Variants in TET3 observed in about 807,000 individuals in gnomAD.
The protein encoded by TET3 is methylcytosine dioxygenase TET3.
In TET3, 19 loss-of-function variants were observed where a neutral mutation model predicts 141.4. The ratio of observed to expected loss-of-function variants is 0.13; its 90% confidence interval spans 0.09 to 0.20. TET3 has a LOEUF of 0.20. Ranked by LOEUF, TET3 falls within the 10% of genes least tolerant of loss-of-function variation. The pLI is 1.00. For missense variants in TET3, 1,874 were observed against 2,356.9 expected, an observed-to-expected ratio of 0.80 and a Z score of 4.24; for synonymous variants, 1,043 against 980.9, an observed-to-expected ratio of 1.06 and a Z score of -1.18.
At chr2:74,031,035 G>C (rs1197224615) in intron 3 of TET3, among the ~76,000 whole-genome samples, 2 of 152,144 alleles carry the variant, frequency 1.3e-5, no homozygotes, top group Admixed American at 1.3e-4. Context: ...AGTTGTAAAT[G>C]TGATGGGCTT....
At chr2:73,991,306 G>A (rs936132305) in intron 2 of TET3, among the ~76,000 whole-genome samples, 3 of 151,850 alleles carry the variant, frequency 2.0e-5, no homozygotes, top group African/African-American at 4.8e-5. Flanking sequence ...AACTCTGGCC[G>A]GGCACGGTGG....
intron 4 of TET3, among the ~76,000 whole-genome samples, chr2:74,061,946 C>T (rs1213718678): frequency 1.3e-5 from 2 of 149,684 alleles, no homozygotes; most frequent in Non-Finnish European, 3.0e-5. Context: ...ACTGGGCAGC[C>T]AGGCAGAGGG....
chr2:74,127,583 T>C, the TET3 span, among the ~76,000 whole-genome samples: 1 of 152,168 alleles, frequency 6.6e-6, no homozygotes, highest in Non-Finnish European at 1.5e-5. Flanking sequence ...ATGAACTCAT[T>C]TCCAGACTAA....
At chr2:74,025,195 G>T (rs1329638285) in intron 3 of TET3, among the ~76,000 whole-genome samples, 16 of 141,524 alleles carry the variant, frequency 1.1e-4, no homozygotes, top group Non-Finnish European at 2.3e-4. Context: ...CTGCACTCCA[G>T]CCTGGGTGAC....
chr2:74,048,527 G>A, intron 4 of TET3, 116 bp downstream of exon 4: 1 of 1,143,890 alleles, frequency 8.7e-7, no homozygotes, highest in East Asian at 2.6e-5. Context: ...CTGCCACACT[G>A]GGTTCTGGGA....
In TET3 at chr2:74,084,366, G is replaced by A. The variant is rs139169439; in HGVS notation, c.2680-3464G>A. ...AAGTAGGCTGGGCGCAGTGGCTCACGCCTGTAATCCCAGCACTTAGGGAGA... is the reference window on the plus strand; with the variant it reads ...AAGTAGGCTGGGCGCAGTGGCTCACACCTGTAATCCCAGCACTTAGGGAGA... On this transcript the variant is annotated intron_variant, in intron 6 of 11. Transcript: ENST00000409262. Among the ~76,000 whole-genome samples, 219 of 152,224 alleles carry A rather than the reference G, an allele frequency of 1.4e-3. 1 individual carries two copies. Among genetic ancestry groups the A allele is most frequent in the African/African-American group, 5.0e-3 (206 of 41,534 alleles).
chr2:74,120,369 C>A, the TET3 span, among the ~76,000 whole-genome samples: 5 of 152,266 alleles, frequency 3.3e-5, no homozygotes, highest in Non-Finnish European at 5.9e-5. Context: ...GGAGAGATGG[C>A]GGGCGACGTC....
At chr2:74,056,878 G>A (rs1196206924) in intron 4 of TET3, among the ~76,000 whole-genome samples, 1 of 152,184 alleles carries the variant, frequency 6.6e-6, no homozygotes, top group Non-Finnish European at 1.5e-5. Flanking sequence ...ATGACACACT[G>A]AGTACACAAC....
At position 74,047,640 on chromosome 2, in the gene TET3, C is replaced by T; in HGVS notation, c.1723C>T (p.Pro575Ser). The change falls in exon 4 of 12, where the codon CCC (proline) becomes TCC (serine). Residue 575 changes from proline to serine, a missense_variant. Pro to Ser is a moderately conservative substitution (Grantham distance 74). This residue lies in a region of TET3 where 484 missense variants were observed against 462.2 expected (regional missense o/e 1.05). Coordinates refer to ENST00000409262, the MANE Select transcript of TET3 (RefSeq NM_001287491.2). ...TGTCCCACGGCTTCCAGACAGACCA[C>T]CCAAGGAGAAGAAGAAGAAGCTCCC... is the stretch of plus-strand genomic sequence containing the variant. ...SPVPRLPDRP[P>S]KEKKKKLPTP... 6.2e-7 allele frequency: 1 copy of T among 1,613,618 alleles called. No homozygotes were observed. Among genetic ancestry groups the T allele is most frequent in the Non-Finnish European group, 8.5e-7 (1 of 1,179,716 alleles).
At chr2:74,063,893 C>CA (rs70965781) in intron 4 of TET3, among the ~76,000 whole-genome samples, 3,132 of 106,246 alleles carry the variant, frequency 0.029, 134 homozygotes, top group Admixed American at 0.13. Flanking sequence ...TCTCTGCAGA[C>CA]AAAAAAAAAA....
intron 2 of TET3, among the ~76,000 whole-genome samples, chr2:73,988,604 G>T (rs188634858): frequency 6.6e-6 from 1 of 152,316 alleles, no homozygotes; most frequent in Admixed American, 6.5e-5. Flanking sequence ...AGACACCCCT[G>T]CTGAGAGATG....
At chr2:74,023,223 T>C (rs1055792160) in intron 3 of TET3, among the ~76,000 whole-genome samples, 2 of 152,094 alleles carry the variant, frequency 1.3e-5, no homozygotes, top group Admixed American at 6.6e-5. Context: ...TTTTCAGATA[T>C]GTAGTTTGAT....
At chr2:74,041,033 C>T (rs1687310113) in intron 3 of TET3, among the ~76,000 whole-genome samples, 1 of 152,162 alleles carries the variant, frequency 6.6e-6, no homozygotes, top group Admixed American at 6.5e-5. Flanking sequence ...CCCCATCCTC[C>T]TCTGGCATTG....
At chr2:74,127,212 C>T in the TET3 span, among the ~76,000 whole-genome samples, 1 of 152,176 alleles carries the variant, frequency 6.6e-6, no homozygotes, top group Non-Finnish European at 1.5e-5. Context: ...TCCGGATGAC[C>T]TCTGTTTCAA....
chr2:74,133,430 GC>G, the TET3 span, among the ~76,000 whole-genome samples: 1 of 152,246 alleles, frequency 6.6e-6, no homozygotes, highest in Non-Finnish European at 1.5e-5. Context: ...CAGTCAGGAT[GC>G]CAGCTGGGGC....
the TET3 span, among the ~76,000 whole-genome samples, chr2:74,124,965 A>G: frequency 6.8e-6 from 1 of 147,510 alleles, no homozygotes; most frequent in African/African-American, 2.5e-5. Context: ...ACTAAAAAAA[A>G]AAAAAAGGTG....
intron 3 of TET3, among the ~76,000 whole-genome samples, chr2:74,013,885 C>T (rs962177732): frequency 1.3e-5 from 2 of 152,190 alleles, no homozygotes; most frequent in African/African-American, 4.8e-5. Flanking sequence ...CTCCCCTCTA[C>T]TCCCCATAAC....
At chr2:74,032,447 G>GTC (rs148094084) in intron 3 of TET3, among the ~76,000 whole-genome samples, 15 of 65,542 alleles carry the variant, frequency 2.3e-4, no homozygotes, top group African/African-American at 6.7e-4. Context: ...AGAGGGGTGT[G>GTC]TCTCTGTGTG....
chr2:74,086,708 T>C (rs983690742), intron 6 of TET3, among the ~76,000 whole-genome samples: 4 of 148,850 alleles, frequency 2.7e-5, no homozygotes, highest in African/African-American at 1.0e-4. Flanking sequence ...GGAGGATCGC[T>C]TAAGCCCAGG....
Sources: gnomAD v4.1 joint callset for allele counts (sites outside exome capture counted in the v4.1 genomes callset) on GRCh38, gnomAD v4.1.1 for gene constraint, gnomAD v4.1.1 regional missense constraint, MANE v1.5 for transcripts, NCBI Gene and HGNC (gene_info 2026-07-23, HGNC 2026-07-21) for gene names.